Variants in STK32C observed in about 807,000 individuals in gnomAD.
STK32C encodes serine/threonine-protein kinase 32C.
A neutral mutation model predicts 56.5 loss-of-function variants in STK32C; 31 were observed. That is an observed-to-expected ratio of 0.55 (90% CI 0.41 to 0.74). The LOEUF is 0.74. STK32C is among the 30% of genes least tolerant of loss of function. STK32C has a pLI of 0.00. For synonymous variants in STK32C, 309 were observed against 289.4 expected, an observed-to-expected ratio of 1.07 and a Z score of -0.69; for missense variants, 544 against 676.9, an observed-to-expected ratio of 0.80 and a Z score of 2.18.
intron 2 of STK32C, among the ~76,000 whole-genome samples, chr10:132,229,796 A>C (rs2063028403): frequency 6.6e-6 from 1 of 152,234 alleles, no homozygotes; most frequent in South Asian, 2.1e-4. Context: ...TGCACAGAGC[A>C]CCGGGCTGGC....
chr10:132,302,714 T>G (rs2065945289), intron 1 of STK32C, among the ~76,000 whole-genome samples: 1 of 152,176 alleles, frequency 6.6e-6, no homozygotes, highest in Non-Finnish European at 1.5e-5. Context: ...CACACCTGAC[T>G]GGAAAGTTTT....
intron 1 of STK32C, among the ~76,000 whole-genome samples, chr10:132,325,483 G>A (rs1451483418): frequency 1.3e-5 from 2 of 151,488 alleles, no homozygotes; most frequent in Non-Finnish European, 2.9e-5. Flanking sequence ...AACCCAGGAG[G>A]CGGAGCTTCC....
rs554855514 is a variant in STK32C, at chr10:132,228,594, G to A, written c.319-466C>T. Among the ~76,000 whole-genome samples, 298 of 152,340 alleles carry A rather than the reference G, an allele frequency of 2.0e-3. 2 individuals carry two copies. Among genetic ancestry groups the A allele is most frequent in the African/African-American group, 6.5e-3 (270 of 41,572 alleles). ...AGCAGTGGCTGGTTGTGCGGGGAGC[G>A]CCCCTCACCAGCCACGACCTGGGCA... is the stretch of plus-strand genomic sequence containing the variant. On this transcript the variant is annotated intron_variant, in intron 2 of 11. Transcript: ENST00000298630.
intron 1 of STK32C, among the ~76,000 whole-genome samples, chr10:132,325,065 C>G (rs1268600211): frequency 6.6e-6 from 1 of 152,192 alleles, no homozygotes; most frequent in East Asian, 1.9e-4. Context: ...TTGGTGGCTA[C>G]TGTTAGAAAC....
intron 2 of STK32C, among the ~76,000 whole-genome samples, chr10:132,245,616 G>C (rs1011662649): frequency 6.6e-6 from 1 of 152,230 alleles, no homozygotes; most frequent in African/African-American, 2.4e-5. Flanking sequence ...GCACAGCCTG[G>C]CCTCTAGGCT....
chr10:132,271,390 T>C (rs1301981554), intron 1 of STK32C, among the ~76,000 whole-genome samples: 1 of 151,768 alleles, frequency 6.6e-6, no homozygotes, highest in Non-Finnish European at 1.5e-5. Flanking sequence ...GCATGGAGGG[T>C]CAGAACAGAG....
chr10:132,327,394 C>T (rs745498760), intron 1 of STK32C, among the ~76,000 whole-genome samples: 3 of 152,108 alleles, frequency 2.0e-5, no homozygotes, highest in Non-Finnish European at 4.4e-5. Flanking sequence ...ATGTCCTTAT[C>T]AGCAGCATGA....
chr10:132,268,533 G>A (rs868226780), intron 1 of STK32C, among the ~76,000 whole-genome samples: 5 of 131,958 alleles, frequency 3.8e-5, no homozygotes, highest in Non-Finnish European at 7.7e-5. Context: ...GTGTGCATGC[G>A]TCACATTGTG....
chr10:132,323,833 A>ACGGCAACAGTTTCTGG (rs538671399), downstream of STK32C, among the ~76,000 whole-genome samples: 679 of 152,260 alleles, frequency 4.5e-3, 8 homozygotes, highest in African/African-American at 0.016. The surrounding 1 kb of genome is among the most constrained non-coding windows in gnomAD (Gnocchi z 4.8). Context: ...GCCCAAGAGA[A>ACGGCAACAGTTTCTGG]CGGCAACAGT....
At chr10:132,274,689 C>T (rs529923232) in intron 1 of STK32C, among the ~76,000 whole-genome samples, 2 of 152,328 alleles carry the variant, frequency 1.3e-5, no homozygotes, top group South Asian at 4.1e-4. Context: ...GCAGAATAAA[C>T]CCGGCTGAGC....
At chr10:132,321,656 CCT>C (rs2138463901), downstream of STK32C, among the ~76,000 whole-genome samples, 1 of 152,274 alleles carries the variant, frequency 6.6e-6, no homozygotes, top group African/African-American at 2.4e-5. Context: ...ATAGTGAAAC[CCT>C]GTCTCTACTA....
chr10:132,211,024 T>G (rs2062281750), intron 10 of STK32C, among the ~76,000 whole-genome samples: 1 of 152,214 alleles, frequency 6.6e-6, no homozygotes, highest in Admixed American at 6.5e-5. Flanking sequence ...TCCCACGCTC[T>G]CTGCGGGCAG....
At chr10:132,289,966 T>C (rs1177933754) in intron 1 of STK32C, among the ~76,000 whole-genome samples, 2 of 152,184 alleles carry the variant, frequency 1.3e-5, no homozygotes, top group Non-Finnish European at 2.9e-5. Flanking sequence ...TCAAAACTTA[T>C]CACATCACGT....
intron 1 of STK32C, among the ~76,000 whole-genome samples, chr10:132,266,749 G>A (rs1250897894): frequency 6.6e-6 from 1 of 151,844 alleles, no homozygotes; most frequent in African/African-American, 2.4e-5. Flanking sequence ...CCATGGGGTG[G>A]AAGGAGTGGA....
intron 1 of STK32C, among the ~76,000 whole-genome samples, chr10:132,331,082 T>C (rs2066694133): frequency 6.7e-6 from 1 of 149,294 alleles, no homozygotes; most frequent in African/African-American, 2.5e-5. Flanking sequence ...GCGCCTGTAG[T>C]CCCAGCTACT....
chr10:132,244,113 C>T (rs2063601210), intron 2 of STK32C, among the ~76,000 whole-genome samples: 1 of 152,206 alleles, frequency 6.6e-6, no homozygotes, highest in South Asian at 2.1e-4. Flanking sequence ...TGGAAGGACC[C>T]CTCCAGGTCA....
chr10:132,317,393 A>G (rs74161776), intron 1 of STK32C, among the ~76,000 whole-genome samples: 1,639 of 152,356 alleles, frequency 0.011, 28 homozygotes, highest in African/African-American at 0.037. Context: ...ATTGGTCTTC[A>G]CTAAAGTTAA....
At chr10:132,299,982 C>A (rs916604210) in intron 1 of STK32C, among the ~76,000 whole-genome samples, 1 of 152,200 alleles carries the variant, frequency 6.6e-6, no homozygotes, top group South Asian at 2.1e-4. Flanking sequence ...AAAACCCCCG[C>A]GGACTCCTGC....
At chr10:132,251,883 T>C (rs12764503) in intron 1 of STK32C, among the ~76,000 whole-genome samples, 232 of 85,622 alleles carry the variant, frequency 2.7e-3, no homozygotes, top group African/African-American at 7.6e-3. Context: ...CCTCCACTAC[T>C]CACCACAGGC....
Sources: allele counts gnomAD v4.1 joint callset (sites outside exome capture counted in the v4.1 genomes callset), GRCh38; gene constraint gnomAD v4.1.1; non-coding constraint Gnocchi (gnomAD v3.1); transcripts MANE v1.5; gene names NCBI Gene and HGNC (gene_info 2026-07-23, HGNC 2026-07-21).